Variants in RABGAP1L observed in about 807,000 individuals in gnomAD.
RABGAP1L encodes the protein RAB GTPase activating protein 1 like, also known as rab GTPase-activating protein 1-like.
RABGAP1L carries 63 observed loss-of-function variants against 137.7 expected under a neutral mutation model. The observed-to-expected ratio is 0.46, with a 90% CI of 0.37 to 0.56. The LOEUF (loss-of-function observed/expected upper bound fraction) is 0.56. Among genes scored for constraint, RABGAP1L ranks in the 20% least tolerant of loss-of-function variants. The pLI is 0.00. For synonymous variants in RABGAP1L, 431 were observed against 433.7 expected (o/e 0.99, Z 0.08); for missense variants, 1,095 against 1,244.0 (o/e 0.88, Z 1.80).
chr1:174,809,392 C>T (rs1689642930), intron 18 of RABGAP1L, among the ~76,000 whole-genome samples: 1 of 152,210 alleles, frequency 6.6e-6, no homozygotes, highest in Admixed American at 6.5e-5. Context: ...TAAGCAGCAT[C>T]TCTGCCTACA....
intron 13 of RABGAP1L, among the ~76,000 whole-genome samples, chr1:174,450,737 A>C (rs888270406): frequency 1.3e-5 from 2 of 152,138 alleles, no homozygotes; most frequent in Non-Finnish European, 2.9e-5. Context: ...AAAACATCTA[A>C]GTATTACTTT....
chr1:174,179,543 T>TGC (rs1270079262), intron 1 of RABGAP1L, among the ~76,000 whole-genome samples: 3 of 116,136 alleles, frequency 2.6e-5, no homozygotes, highest in South Asian at 2.7e-4. Flanking sequence ...TCTTAGCACG[T>TGC]GCACACACAC....
intron 10 of RABGAP1L, among the ~76,000 whole-genome samples, chr1:174,295,688 T>C (rs1248044767): frequency 6.6e-6 from 1 of 151,618 alleles, no homozygotes; most frequent in East Asian, 1.9e-4. Flanking sequence ...CCAGCCTTTT[T>C]TTTTTTTTTT....
intron 13 of RABGAP1L, among the ~76,000 whole-genome samples, chr1:174,454,281 G>A (rs992528296): frequency 2.0e-5 from 3 of 151,924 alleles, no homozygotes; most frequent in Admixed American, 6.6e-5. Context: ...GAAGAAGAAT[G>A]CGGAATATTT....
rs373909533 is a variant in RABGAP1L at position 174,945,559 on chromosome 1, G to A, written c.2341-11898G>A. 2.1e-4 allele frequency: 32 copies of A among 152,048 alleles called. No individual in the cohort carries two copies. In the South Asian group the frequency reaches 6.6e-3, roughly 32 times the overall value. The allele number at this position is 152,048 out of a possible 1,614,324, so 9.4% of individuals were successfully genotyped here. A position where few individuals can be genotyped will look rare whatever the true frequency, so the allele number is the denominator to read the frequency against. The stretch of plus-strand genomic sequence containing the variant: ...ATTTTTATTGCTTAAAAGAAAAACA[G>A]GCTAAATGTCCTTTTTTTTTTTCCT... On this transcript the variant is annotated intron_variant, in intron 19 of 25. Coordinates refer to ENST00000681986, the MANE Select transcript of RABGAP1L (RefSeq NM_001366446.1).
chr1:174,993,598 G>A lies in RABGAP1L; in HGVS notation c.*3597G>A, dbSNP rs1672194827. 6.6e-6 allele frequency: 1 copy of A among 152,216 alleles called. No homozygotes were observed. Among genetic ancestry groups the A allele is most frequent in the Non-Finnish European group, 1.5e-5 (1 of 68,040 alleles). 9.4% of individuals were successfully genotyped at this position (152,216 alleles called of 1,614,324 possible). ...AGCCAGTCACCCAGGAGAATCACAT[G>A]TGTAACTGATGTAGGGGTTTAAGTC... On this transcript the variant is annotated 3_prime_UTR_variant, in exon 26 of 26. Coordinates refer to ENST00000681986, the MANE Select transcript of RABGAP1L (RefSeq NM_001366446.1).
intron 13 of RABGAP1L, among the ~76,000 whole-genome samples, chr1:174,617,551 A>G (rs557289405): frequency 4.6e-5 from 7 of 152,304 alleles, no homozygotes; most frequent in African/African-American, 1.4e-4. Context: ...GTTGTGATCC[A>G]TGCATCTTCT....
At chr1:174,611,218 G>T (rs1474676032) in intron 13 of RABGAP1L, among the ~76,000 whole-genome samples, 2 of 146,840 alleles carry the variant, frequency 1.4e-5, no homozygotes, top group Non-Finnish European at 1.5e-5. Context: ...TATCCATCTT[G>T]AATTAATTTT....
chr1:174,923,239 G>A (rs1003230264), intron 19 of RABGAP1L, among the ~76,000 whole-genome samples: 1 of 152,050 alleles, frequency 6.6e-6, no homozygotes. Flanking sequence ...TGGGACATAG[G>A]AAATCTTCAG....
chr1:174,878,783 A>T (rs1260026775), intron 19 of RABGAP1L, among the ~76,000 whole-genome samples: 1 of 152,106 alleles, frequency 6.6e-6, no homozygotes, highest in Non-Finnish European at 1.5e-5. Flanking sequence ...TATCAACCAG[A>T]TGCAATAAAT....
intron 7 of RABGAP1L, among the ~76,000 whole-genome samples, chr1:174,254,134 T>A (rs1672930343): frequency 6.6e-6 from 1 of 152,084 alleles, no homozygotes; most frequent in Non-Finnish European, 1.5e-5. Flanking sequence ...TAGCTCCACT[T>A]TGTTCCCATC....
In RABGAP1L at chr1:174,315,622, CTT is replaced by C. The variant is rs35771793; in HGVS notation, c.1465+10509_1465+10510del. ...CTGTTGCTATGATTTCATTTCTTGCCTTTTTTTTTTTTTTTGAGACATGGTTT... is the reference window on the plus strand; with the variant it reads ...CTGTTGCTATGATTTCATTTCTTGCCTTTTTTTTTTTTTGAGACATGGTTT... On this transcript the variant is annotated intron_variant, in intron 11 of 25. Coordinates refer to ENST00000681986, the MANE Select transcript of RABGAP1L (RefSeq NM_001366446.1). Among the ~76,000 whole-genome samples the C allele has an allele frequency of 5.6e-4, 74 of 132,670 alleles. 1 individual carries two copies. The highest frequency in any genetic ancestry group is 2.4e-3 in the South Asian group (10 of 4,220). The allele number at this position is 132,670 out of a possible 152,430, so 87.0% of individuals were successfully genotyped here.
intron 1 of RABGAP1L, among the ~76,000 whole-genome samples, chr1:174,194,474 T>C (rs1015310020): frequency 2.0e-5 from 3 of 152,150 alleles, no homozygotes; most frequent in Admixed American, 6.5e-5. Context: ...GACCTCGTGA[T>C]CTGCTCACCT....
intron 13 of RABGAP1L, among the ~76,000 whole-genome samples, chr1:174,479,734 C>A (rs544357564): frequency 6.6e-6 from 1 of 152,200 alleles, no homozygotes; most frequent in South Asian, 2.1e-4. Context: ...TTGTAATATA[C>A]CAATGGTGAA....
chr1:174,962,200 C>CCA (rs1162438275), intron 20 of RABGAP1L, among the ~76,000 whole-genome samples: 1 of 125,948 alleles, frequency 7.9e-6, no homozygotes, highest in Non-Finnish European at 1.7e-5. Flanking sequence ...AAATACACCC[C>CCA]CCCCCCACAC....
chr1:174,985,986 T>C (rs1574081379), intron 24 of RABGAP1L, among the ~76,000 whole-genome samples: 1 of 152,054 alleles, frequency 6.6e-6, no homozygotes, highest in African/African-American at 2.4e-5. Context: ...TCGCCCAGGC[T>C]GGAGTGCAAT....
intron 13 of RABGAP1L, among the ~76,000 whole-genome samples, chr1:174,531,744 G>A (rs374671209): frequency 7.3e-5 from 10 of 136,158 alleles, no homozygotes; most frequent in East Asian, 2.7e-4. Context: ...ATACTGTCTC[G>A]GGGGTGGGGG....
intron 17 of RABGAP1L, among the ~76,000 whole-genome samples, chr1:174,717,473 C>T (rs1284993458): frequency 6.6e-6 from 1 of 152,116 alleles, no homozygotes; most frequent in Non-Finnish European, 1.5e-5. Flanking sequence ...ACTGATTAAA[C>T]CTCTCGTTTA....
At chr1:174,576,037 G>C (rs550428128) in intron 13 of RABGAP1L, among the ~76,000 whole-genome samples, 3 of 152,194 alleles carry the variant, frequency 2.0e-5, no homozygotes, top group Non-Finnish European at 4.4e-5. Context: ...TTACAGTATA[G>C]TGTGTGCATC....
Sources: allele counts gnomAD v4.1 joint callset (sites outside exome capture counted in the v4.1 genomes callset), GRCh38; gene constraint gnomAD v4.1.1; transcripts MANE v1.5; gene names NCBI Gene and HGNC (gene_info 2026-07-23, HGNC 2026-07-21).